Variants in TMEM164 observed in about 807,000 individuals in gnomAD.
TMEM164 encodes RP13-360B22.2.
TMEM164 carries 4 observed loss-of-function variants against 18.8 expected under a neutral mutation model. The observed-to-expected ratio is 0.21, with a 90% CI of 0.10 to 0.49. The LOEUF is 0.49. TMEM164 is among the 20% of genes least tolerant of loss of function. The pLI is 0.98. For synonymous variants in TMEM164, 86 were observed against 101.7 expected (o/e 0.85, Z 0.93); for missense variants, 108 against 239.9 (o/e 0.45, Z 3.63).
At chrX:110,025,919 A>T (rs1934164192) in intron 2 of TMEM164, among the ~76,000 whole-genome samples, 1 of 112,434 alleles carries the variant, frequency 8.9e-6, no homozygotes, top group Non-Finnish European at 1.9e-5. Flanking sequence ...TCTATTACTC[A>T]TGAGCTGTGT....
Position 110,003,867 on chromosome X carries a change from C to T in TMEM164, c.93C>T (p.Ala31=), listed in dbSNP as rs1932504395. 8.3e-7 allele frequency: 1 copy of T among 1,210,111 alleles called. No individual in the cohort carries two copies. The highest frequency in any genetic ancestry group is 2.2e-5 in the Admixed American group (1 of 45,872). Residue 31 remains alanine (A), a synonymous_variant, in exon 2 of 7, where the codon GCC becomes GCT. Coordinates refer to ENST00000372068, the MANE Select transcript of TMEM164 (RefSeq NM_032227.4). ...GCAATGGGGGCCCCGACTGTGCTGC[C>T]TTCCTCTCTTGGCAGCAGCGGCTGC... The part of the protein sequence containing the change: ...FAGNGGPDCA[A]FLSWQQRLLE...
chrX:110,122,993 C>T lies in TMEM164; in HGVS notation c.507+13847C>T, dbSNP rs373518669. Reference sequence around the variant, plus strand: ...CACATCTAAGAAACTGTTGTCTAGTCCAAGATCATGAAGATATATGACTGT... The same window carrying T: ...CACATCTAAGAAACTGTTGTCTAGTTCAAGATCATGAAGATATATGACTGT... On this transcript the variant is annotated intron_variant, in intron 4 of 6. Transcript: ENST00000372068. 8.0e-5 allele frequency among the ~76,000 whole-genome samples: 9 copies of T among 112,160 alleles called. No homozygotes were observed. In the East Asian group the frequency reaches 2.0e-3, roughly 24 times the overall value.
intron 5 of TMEM164, among the ~76,000 whole-genome samples, chrX:110,170,091 C>G (rs757403033): frequency 8.9e-6 from 1 of 112,315 alleles, no homozygotes; most frequent in African/African-American, 3.2e-5. Context: ...ACACTCTCCC[C>G]TGTGGCCCCA....
At chrX:110,002,937 C>T (rs1397024136), upstream of TMEM164, among the ~76,000 whole-genome samples, 1 of 110,007 alleles carries the variant, frequency 9.1e-6, no homozygotes, top group Non-Finnish European at 1.9e-5. Flanking sequence ...CTGGCTTCCT[C>T]CCTCCGCTGC....
At chrX:110,082,631 A>G (rs1376741034) in intron 3 of TMEM164, among the ~76,000 whole-genome samples, 2 of 111,413 alleles carry the variant, frequency 1.8e-5, no homozygotes, top group Non-Finnish European at 3.8e-5. Flanking sequence ...AGCCTGCCTC[A>G]CCAGTTATTA....
At chrX:110,074,340 A>G (rs1368411995) in intron 3 of TMEM164, among the ~76,000 whole-genome samples, 2 of 111,484 alleles carry the variant, frequency 1.8e-5, no homozygotes, top group African/African-American at 6.5e-5. Flanking sequence ...TAAGTTTCTT[A>G]TAGATTTGGG....
At chrX:110,146,979 A>T (rs1285305052) in intron 5 of TMEM164, among the ~76,000 whole-genome samples, 1 of 112,330 alleles carries the variant, frequency 8.9e-6, no homozygotes, top group Non-Finnish European at 1.9e-5. Flanking sequence ...CCAGTACAAG[A>T]CAGCTCTCCT....
intron 3 of TMEM164, among the ~76,000 whole-genome samples, chrX:110,068,050 G>A (rs1006234033): frequency 1.7e-4 from 19 of 112,473 alleles, no homozygotes; most frequent in Admixed American, 8.4e-4. Flanking sequence ...AAGCCAAATC[G>A]ACTGAATTAA....
intron 3 of TMEM164, among the ~76,000 whole-genome samples, chrX:110,090,911 A>T (rs996466898): frequency 1.5e-4 from 16 of 104,725 alleles, no homozygotes; most frequent in African/African-American, 5.3e-4. Flanking sequence ...CCTGTGTCCA[A>T]GTGTTCTCAT....
intron 2 of TMEM164, among the ~76,000 whole-genome samples, chrX:110,010,749 TTAAA>T (rs1361067491): frequency 1.8e-5 from 2 of 111,798 alleles, no homozygotes; most frequent in African/African-American, 6.5e-5. Context: ...TCAATACCTG[TTAAA>T]TAGTGTGATT....
chrX:110,095,961 C>T (rs1401245685), intron 3 of TMEM164, among the ~76,000 whole-genome samples: 1 of 112,446 alleles, frequency 8.9e-6, no homozygotes, highest in Non-Finnish European at 1.9e-5. Context: ...ACTCCAGAAC[C>T]CGTTTGCCTG....
At chrX:110,064,029 A>C (rs752940562) in intron 2 of TMEM164, among the ~76,000 whole-genome samples, 1 of 111,596 alleles carries the variant, frequency 9.0e-6, no homozygotes, top group African/African-American at 3.3e-5. Context: ...AAAGCTTGTC[A>C]GAACCTTTTC....
intron 3 of TMEM164, among the ~76,000 whole-genome samples, chrX:110,072,047 T>A (rs983559855): frequency 9.0e-6 from 1 of 110,983 alleles, no homozygotes; most frequent in African/African-American, 3.3e-5. Flanking sequence ...GTGCCTGTAA[T>A]CCCAGCACTT....
downstream of TMEM164, among the ~76,000 whole-genome samples, chrX:110,179,125 G>T (rs970143727): frequency 8.9e-6 from 1 of 112,055 alleles, no homozygotes; most frequent in Non-Finnish European, 1.9e-5. Flanking sequence ...GGAAGAAAGG[G>T]GGCCAGGTGA....
At chrX:110,010,793 T>G (rs751774907) in intron 2 of TMEM164, among the ~76,000 whole-genome samples, 7 of 111,836 alleles carry the variant, frequency 6.3e-5, no homozygotes, top group Non-Finnish European at 1.3e-4. Context: ...CCCAAGTTAT[T>G]GTGAAGAGGG....
chrX:110,074,410 C>G, intron 3 of TMEM164, among the ~76,000 whole-genome samples: 1 of 111,559 alleles, frequency 9.0e-6, no homozygotes, highest in Non-Finnish European at 1.9e-5. Flanking sequence ...TGTATGTTGT[C>G]TGTTTACTCT....
intron 2 of TMEM164, among the ~76,000 whole-genome samples, chrX:110,011,520 A>G (rs1300965924): frequency 8.9e-6 from 1 of 111,956 alleles, no homozygotes; most frequent in East Asian, 2.8e-4. Context: ...AAGGAAAGCA[A>G]TTCTAGGCAT....
intron 2 of TMEM164, among the ~76,000 whole-genome samples, chrX:110,033,428 A>G (rs1475171957): frequency 8.9e-6 from 1 of 112,059 alleles, no homozygotes; most frequent in Non-Finnish European, 1.9e-5. Context: ...TTGAAAAGAA[A>G]CTACACTTCA....
downstream of TMEM164, among the ~76,000 whole-genome samples, chrX:110,178,583 A>T (rs2067311150): frequency 8.9e-6 from 1 of 112,290 alleles, no homozygotes; most frequent in African/African-American, 3.2e-5. Flanking sequence ...GTGCAGGTGG[A>T]TCTCCTCATT....
Sources: gnomAD v4.1 joint callset for allele counts (sites outside exome capture counted in the v4.1 genomes callset) on GRCh38, gnomAD v4.1.1 for gene constraint, MANE v1.5 for transcripts, NCBI Gene and HGNC (gene_info 2026-07-23, HGNC 2026-07-21) for gene names.